The following GOLGA4 variants were observed in gnomAD, a reference collection of about 807,000 sequenced individuals.
The protein encoded by GOLGA4 is golgin A4, also known as golgin subfamily A member 4.
A neutral mutation model predicts 265.9 loss-of-function variants in GOLGA4; 169 were observed. That is an observed-to-expected ratio of 0.64 (90% confidence interval 0.56 to 0.72). GOLGA4 has a LOEUF of 0.72. GOLGA4 is among the 30% of genes least tolerant of loss of function. The probability of loss-of-function intolerance (pLI) is 0.00; values close to 1 mark genes in which losing one functional copy is unlikely to be tolerated. For synonymous variants in GOLGA4, 923 were observed against 855.8 expected (o/e 1.08, Z -1.37); for missense variants, 2,482 against 2,483.4 (o/e 1.00, Z 0.01).
intron 7 of GOLGA4, among the ~76,000 whole-genome samples, chr3:37,298,044 G>A (rs1025521176): frequency 6.6e-6 from 1 of 151,674 alleles, no homozygotes; most frequent in African/African-American, 2.4e-5. Context: ...AAAAAAGAGG[G>A]AATACACACC....
chr3:37,293,704 A>G (rs190545296), intron 5 of GOLGA4, among the ~76,000 whole-genome samples: 4 of 152,332 alleles, frequency 2.6e-5, no homozygotes, highest in African/African-American at 9.6e-5. Context: ...GTGAAGGACA[A>G]AGAGGAAACT....
chr3:37,326,509 A>G lies in GOLGA4; in HGVS notation c.4623A>G (p.Ile1541Met), dbSNP rs2096971235. The G allele has an allele frequency of 6.2e-7, 1 of 1,606,984 alleles. No homozygotes were observed. Among genetic ancestry groups the G allele is most frequent in the South Asian group, 1.1e-5 (1 of 89,522 alleles). Residue 1541 changes from isoleucine (I) to methionine (M), a missense_variant, in exon 14 of 24, where the codon ATA (isoleucine) becomes ATG (methionine). By Grantham distance (10) the Ile-to-Met change is conservative. Around this residue, in one of 3 missense-constraint regions of GOLGA4, gnomAD observed 942 missense variants for 983.1 expected, o/e 0.96. Coordinates refer to ENST00000361924, the MANE Select transcript of GOLGA4 (RefSeq NM_002078.5). ...ATATTACCCAGAAAACTATTGAAAT[A>G]GAGTCCTTAAATGAAGTTCTTAAAA... The part of the protein sequence containing the change: ...EDHITQKTIE[I>M]ESLNEVLKNY...
chr3:37,260,955 C>A (rs760469911), intron 2 of GOLGA4, among the ~76,000 whole-genome samples: 1 of 151,544 alleles, frequency 6.6e-6, no homozygotes, highest in African/African-American at 2.4e-5. Flanking sequence ...ATGCTTGAAC[C>A]CAGGAGTTGG....
At chr3:37,255,441 G>A (rs1476339551) in intron 2 of GOLGA4, among the ~76,000 whole-genome samples, 4 of 152,170 alleles carry the variant, frequency 2.6e-5, no homozygotes, top group Non-Finnish European at 2.9e-5. Context: ...GGGATTACAG[G>A]CATGAGTCAC....
At chr3:37,341,955 A>G (rs530863286) in intron 20 of GOLGA4, among the ~76,000 whole-genome samples, 3 of 152,280 alleles carry the variant, frequency 2.0e-5, no homozygotes, top group Non-Finnish European at 4.4e-5. Flanking sequence ...TTTCTCAAGG[A>G]TAATATAGCT....
chr3:37,323,495 A>G (rs2096961093), intron 13 of GOLGA4, 93 bp from the exon 14 acceptor site: 1 of 693,620 alleles, frequency 1.4e-6, no homozygotes, highest in Non-Finnish European at 2.5e-6. Context: ...GATAATTTTG[A>G]TCTTCAGGTA....
chr3:37,319,031 G>T lies in GOLGA4; in HGVS notation c.1414-32G>T, dbSNP rs376795171. The T allele has an allele frequency of 2.3e-4, 333 of 1,475,390 alleles. 1 individual carries two copies. Among genetic ancestry groups the T allele is most frequent in the South Asian group, 1.2e-3 (96 of 78,134 alleles). The allele number at this position is 1,475,390 out of a possible 1,614,324, so 91.4% of individuals were successfully genotyped here. A position where few individuals can be genotyped will look rare whatever the true frequency, so the allele number is the denominator to read the frequency against. ...TGGAGTTACATATTTTATTCTGGGT[G>T]TCCTTATATTATCTATTTGGCTCAT... is the stretch of plus-strand genomic sequence containing the variant. On this transcript the variant is annotated intron_variant, in intron 11 of 23. Coordinates refer to ENST00000361924, the MANE Select transcript of GOLGA4 (RefSeq NM_002078.5).
intron 11 of GOLGA4, among the ~76,000 whole-genome samples, chr3:37,318,235 C>T (rs766754128): frequency 2.6e-5 from 4 of 151,950 alleles, no homozygotes; most frequent in South Asian, 2.1e-4. Context: ...TTTGTAGAGA[C>T]GGGGTCTGCC....
rs751287731 is a variant in GOLGA4 at position 37,302,213 on chromosome 3, A to G, written c.1115A>G (p.Gln372Arg). The change falls in exon 10 of 24, where the codon CAG becomes CGG. Residue 372 changes from glutamine to arginine, a missense_variant. This residue lies in a region of GOLGA4 where 1,536 missense variants were observed against 1,483.7 expected (regional missense o/e 1.04). Transcript: ENST00000361924. ...KGMVIAETKR[Q>R]MHETLEMKEE... ...ATGGTAATCGCAGAGACAAAACGTC[A>G]GATGCATGAAACCCTGGAAATGAAA... 1 of 1,613,336 alleles carries G rather than the reference A, an allele frequency of 6.2e-7. No individual in the cohort carries two copies. Among genetic ancestry groups the G allele is most frequent in the Admixed American group, 1.7e-5 (1 of 60,002 alleles).
intron 20 of GOLGA4, among the ~76,000 whole-genome samples, chr3:37,343,592 T>A (rs1250084558): frequency 2.6e-5 from 4 of 152,152 alleles, no homozygotes; most frequent in African/African-American, 9.6e-5. Flanking sequence ...CTTAAGTCTC[T>A]TTTGAACTCC....
chr3:37,256,392 C>G (rs562358469), intron 2 of GOLGA4, among the ~76,000 whole-genome samples: 1 of 152,080 alleles, frequency 6.6e-6, no homozygotes, highest in Non-Finnish European at 1.5e-5. Context: ...ATCGCTTGAA[C>G]CCAGGAGGCG....
At chr3:37,252,136 C>CTT (rs11368904) in intron 2 of GOLGA4, among the ~76,000 whole-genome samples, 1 of 152,014 alleles carries the variant, frequency 6.6e-6, no homozygotes. Context: ...TTATTTCCCA[C>CTT]TTTTTTTCTG....
At chr3:37,252,317 CTTTT>C (rs34906290) in intron 2 of GOLGA4, among the ~76,000 whole-genome samples, 2 of 138,218 alleles carry the variant, frequency 1.4e-5, no homozygotes, top group African/African-American at 5.3e-5. Context: ...TGCTTGCTTC[CTTTT>C]TTTTTTTTTT....
Position 37,325,132 on chromosome 3 carries a change from A to G in GOLGA4, c.3246A>G (p.Leu1082=), listed in dbSNP as rs752204845. 5.6e-6 allele frequency: 9 copies of G among 1,613,558 alleles called. No individual in the cohort carries two copies. Among genetic ancestry groups the G allele is most frequent in the Non-Finnish European group, 7.6e-6 (9 of 1,179,664 alleles). The change falls in exon 14 of 24, where the codon CTA becomes CTG. Residue 1082 remains leucine (L), a synonymous_variant. Transcript: ENST00000361924. ...CAGAACTGAAACAAAAGATCCTCCT[A>G]TTTGGGTGTGAAAAAGAAGAGATGA... is the stretch of plus-strand genomic sequence containing the variant. ...EVAELKQKIL[L]FGCEKEEMNK...
At chr3:37,314,052 T>C (rs955297696) in intron 10 of GOLGA4, among the ~76,000 whole-genome samples, 1 of 151,332 alleles carries the variant, frequency 6.6e-6, no homozygotes. Flanking sequence ...TGCTGCAGCC[T>C]CTGTCTCCCA....
intron 16 of GOLGA4, among the ~76,000 whole-genome samples, chr3:37,331,583 G>A (rs527478610): frequency 1.2e-4 from 19 of 152,258 alleles, no homozygotes; most frequent in Admixed American, 2.0e-4. Context: ...TATGTATTAT[G>A]TAGTAGTGTT....
rs186029982 is a variant in GOLGA4 at position 37,289,345 on chromosome 3, A to C, written c.582+54A>C. On this transcript the variant is annotated intron_variant, in intron 5 of 23. Coordinates refer to ENST00000361924, the MANE Select transcript of GOLGA4 (RefSeq NM_002078.5). ...ATAGTAATTAAATCTCATATTTATCAGAACTGTTGTATGTGCTAGGGTAGT... is the reference window on the plus strand; with the variant it reads ...ATAGTAATTAAATCTCATATTTATCCGAACTGTTGTATGTGCTAGGGTAGT... The C allele has an allele frequency of 4.7e-4, 521 of 1,110,320 alleles. No individual in the cohort carries two copies. In the African/African-American group the frequency reaches 7.6e-3, roughly 16 times the overall value. The allele number at this position is 1,110,320 out of a possible 1,614,324, so 68.8% of individuals were successfully genotyped here.
intron 2 of GOLGA4, among the ~76,000 whole-genome samples, chr3:37,257,894 C>CATACATAT (rs1246022139): frequency 9.5e-6 from 1 of 104,930 alleles, no homozygotes; most frequent in African/African-American, 4.8e-5. Flanking sequence ...CATATATATA[C>CATACATAT]ATATATATAT....
At chr3:37,294,946 T>G in intron 5 of GOLGA4, 33 bp from the exon 6 acceptor site, 1 of 1,425,696 alleles carries the variant, frequency 7.0e-7, no homozygotes, top group South Asian at 1.2e-5. Flanking sequence ...TGTTTTATAC[T>G]GAAAATTACC....
Sources: gnomAD v4.1 joint callset for allele counts (sites outside exome capture counted in the v4.1 genomes callset) on GRCh38, gnomAD v4.1.1 for gene constraint, gnomAD v4.1.1 regional missense constraint, MANE v1.5 for transcripts, NCBI Gene and HGNC (gene_info 2026-07-23, HGNC 2026-07-21) for gene names.